The following GPR176 variants were observed in gnomAD, a reference collection of about 807,000 sequenced individuals.
GPR176 encodes G protein-coupled receptor 176, also known as G-protein coupled receptor 176.
Under a neutral mutation model 35.4 loss-of-function variants are expected in GPR176, and 26 were observed. The observed-to-expected ratio is 0.74, with a 90% CI of 0.54 to 1.02. The LOEUF is 1.02. Among genes scored for constraint, GPR176 ranks in the 50% least tolerant of loss-of-function variants. The probability of loss-of-function intolerance (pLI) is 0.00; values close to 1 mark genes in which losing one functional copy is unlikely to be tolerated. For synonymous variants in GPR176, 278 were observed against 271.3 expected, an observed-to-expected ratio of 1.02 and a Z score of -0.24; for missense variants, 597 against 665.3, an observed-to-expected ratio of 0.90 and a Z score of 1.13.
At chr15:39,847,279 T>C (rs2030497928) in intron 1 of GPR176, among the ~76,000 whole-genome samples, 1 of 152,148 alleles carries the variant, frequency 6.6e-6, no homozygotes, top group Non-Finnish European at 1.5e-5. Context: ...AACATATCAA[T>C]AATCACATTA....
chr15:39,895,184 C>T (rs1387718090), intron 1 of GPR176, among the ~76,000 whole-genome samples: 1 of 151,064 alleles, frequency 6.6e-6, no homozygotes, highest in African/African-American at 2.4e-5. Context: ...AGTCCAGCTT[C>T]GGCTCAGCAT....
At chr15:39,897,271 G>A (rs2033141134) in intron 1 of GPR176, among the ~76,000 whole-genome samples, 1 of 152,182 alleles carries the variant, frequency 6.6e-6, no homozygotes, top group African/African-American at 2.4e-5. Flanking sequence ...AAAAGTGACA[G>A]GAATCTAGGA....
rs1898776444 is a variant in GPR176, at chr15:39,800,362, A to G, written c.*770T>C. The G allele has an allele frequency of 6.6e-6, 1 of 152,214 alleles. No homozygotes were observed. Among genetic ancestry groups the G allele is most frequent in the African/African-American group, 2.4e-5 (1 of 41,446 alleles). The allele number at this position is 152,214 out of a possible 1,614,324, so 9.4% of individuals were successfully genotyped here. ...TGTTGAGAAAACACAATTTAAGGTG[A>G]AAGACAGAGCGAAGACTTTTCAGTG... is the stretch of plus-strand genomic sequence containing the variant. On this transcript the variant is annotated 3_prime_UTR_variant, in exon 3 of 3. Coordinates refer to ENST00000561100, the MANE Select transcript of GPR176 (RefSeq NM_007223.3).
chr15:39,807,205 T>G lies in GPR176; in HGVS notation c.226A>C (p.Thr76Pro), dbSNP rs752864876. The G allele has an allele frequency of 6.2e-7, 1 of 1,613,116 alleles. No individual in the cohort carries two copies. Among genetic ancestry groups the G allele is most frequent in the Non-Finnish European group, 8.5e-7 (1 of 1,179,546 alleles). The stretch of plus-strand genomic sequence containing the variant: ...GCCAGGTTTTTAATGAACCTGTTGG[T>G]GACAGATTTGAACACGGTTGTGCGG... ...TCRTTVFKSV[T>P]NRFIKNLACS... Residue 76 changes from threonine (T) to proline (P), a missense_variant, in exon 2 of 3, where the codon ACC becomes CCC. Physicochemically the swap from Thr to Pro is conservative, Grantham distance 38 (BLOSUM62 -1). Around this residue, in one of 3 missense-constraint regions of GPR176, gnomAD observed 126 missense variants for 112.4 expected, o/e 1.12. Coordinates refer to ENST00000561100, the MANE Select transcript of GPR176 (RefSeq NM_007223.3).
chr15:39,801,420 G>C lies in GPR176; in HGVS notation c.1260C>G (p.Pro420=). ...LEGEQGPQFA[P]SAPPLSTVDS... is the part of the protein sequence containing the mutation. ...CCACTGTGCTCAGGGGTGGGGCAGAGGGCGCAAACTGTGGCCCCTGCTCTC... is the reference window on the plus strand; with the variant it reads ...CCACTGTGCTCAGGGGTGGGGCAGACGGCGCAAACTGTGGCCCCTGCTCTC... The change falls in exon 3 of 3, where the codon CCC becomes CCG. Residue 420 remains proline (P), a synonymous_variant. Coordinates refer to ENST00000561100, the MANE Select transcript of GPR176 (RefSeq NM_007223.3). 2 of 1,614,212 alleles carry C rather than the reference G, an allele frequency of 1.2e-6. No individual in the cohort carries two copies. Among genetic ancestry groups the C allele is most frequent in the South Asian group, 2.2e-5 (2 of 91,084 alleles).
intron 1 of GPR176, among the ~76,000 whole-genome samples, chr15:39,901,559 A>G (rs147817616): frequency 6.6e-6 from 1 of 152,230 alleles, no homozygotes; most frequent in Non-Finnish European, 1.5e-5. Context: ...GGGCAATGCT[A>G]TTACTCCCCT....
intron 1 of GPR176, among the ~76,000 whole-genome samples, chr15:39,891,392 T>A (rs1029664528): frequency 3.9e-5 from 6 of 152,200 alleles, no homozygotes; most frequent in African/African-American, 1.4e-4. Flanking sequence ...GAGTTCTTGC[T>A]GTGTCGCCCA....
At chr15:39,827,972 C>G (rs1164965678) in intron 1 of GPR176, among the ~76,000 whole-genome samples, 1 of 152,168 alleles carries the variant, frequency 6.6e-6, no homozygotes, top group Non-Finnish European at 1.5e-5. Context: ...TGGAAGGCTA[C>G]ATCCTAGGCT....
intron 1 of GPR176, chr15:39,814,984 GA>G (rs1899801804): frequency 1.3e-5 from 2 of 152,220 alleles, no homozygotes; most frequent in Admixed American, 6.5e-5. Flanking sequence ...CTATGTGCAA[GA>G]GGCATTGTGA....
intron 1 of GPR176, among the ~76,000 whole-genome samples, chr15:39,809,558 C>G (rs1404566447): frequency 1.3e-5 from 2 of 152,192 alleles, no homozygotes; most frequent in African/African-American, 4.8e-5. Context: ...CCTCTATATA[C>G]TTTTTATTTT....
intron 1 of GPR176, among the ~76,000 whole-genome samples, chr15:39,907,017 G>A (rs1409350896): frequency 6.6e-6 from 1 of 152,158 alleles, no homozygotes; most frequent in Admixed American, 6.6e-5. Flanking sequence ...CTGCTACAGA[G>A]GAAATAAACA....
intron 1 of GPR176, among the ~76,000 whole-genome samples, chr15:39,820,370 T>G (rs139793168): frequency 6.6e-6 from 1 of 152,194 alleles, no homozygotes; most frequent in Non-Finnish European, 1.5e-5. Flanking sequence ...GGATGAGTTA[T>G]AGCTCACAGG....
chr15:39,878,661 T>C (rs2140846577), intron 1 of GPR176, among the ~76,000 whole-genome samples: 1 of 152,356 alleles, frequency 6.6e-6, no homozygotes, highest in Admixed American at 6.5e-5. Context: ...TGCTGGATCA[T>C]ATGGTAGTTC....
chr15:39,802,237 T>TA lies in GPR176; in HGVS notation c.442dup (p.Tyr148LeufsTer9). 3 of 1,609,684 alleles carry TA rather than the reference T, an allele frequency of 1.9e-6. No individual in the cohort carries two copies. The highest frequency in any genetic ancestry group is 2.5e-6 in the Non-Finnish European group (3 of 1,177,196). ...ATCAGATATTTTCCTCTCCAGTGGA[T>TA]AGAGGACTGAGTAGTACCTGCAAGA... is the stretch of plus-strand genomic sequence containing the variant. On this transcript the variant is annotated frameshift_variant, in exon 3 of 3. Transcript: ENST00000561100. LOFTEE classifies it high-confidence loss of function.
rs137910676 is a variant in GPR176, at chr15:39,917,525, G to A, written c.172+2330C>T. The stretch of plus-strand genomic sequence containing the variant: ...TAATTTTTGTATTTTTAGTACAGTC[G>A]GGATTTCATCATGTTGGCCAGGCTG... On this transcript the variant is annotated intron_variant, in intron 1 of 2. Transcript: ENST00000561100. Among the ~76,000 whole-genome samples the A allele has an allele frequency of 4.0e-3, 599 of 151,264 alleles. 3 individuals are homozygous for A. Among genetic ancestry groups the A allele is most frequent in the Non-Finnish European group, 3.7e-3 (252 of 67,804 alleles).
chr15:39,820,884 C>T (rs1461292939), intron 1 of GPR176, among the ~76,000 whole-genome samples: 1 of 152,188 alleles, frequency 6.6e-6, no homozygotes, highest in East Asian at 1.9e-4. Flanking sequence ...TTTCTCTCCC[C>T]ATGCTAAGCG....
At chr15:39,812,940 G>T (rs2140796135) in intron 1 of GPR176, among the ~76,000 whole-genome samples, 1 of 151,798 alleles carries the variant, frequency 6.6e-6, no homozygotes, top group African/African-American at 2.4e-5. Flanking sequence ...TCACTATGTT[G>T]CCCAGGCTTG....
chr15:39,835,196 T>C (rs1901320140), intron 1 of GPR176, among the ~76,000 whole-genome samples: 1 of 151,940 alleles, frequency 6.6e-6, no homozygotes, highest in African/African-American at 2.4e-5. Flanking sequence ...TTTTGTATTT[T>C]TTTAGTAGAG....
chr15:39,840,321 T>C (rs1208798139), intron 1 of GPR176, among the ~76,000 whole-genome samples: 3 of 152,224 alleles, frequency 2.0e-5, no homozygotes, highest in African/African-American at 2.4e-5. Flanking sequence ...GATGAGTTCA[T>C]GTCCTTTGTA....
Sources: allele counts gnomAD v4.1 joint callset (sites outside exome capture counted in the v4.1 genomes callset), GRCh38; gene constraint gnomAD v4.1.1; regional missense constraint gnomAD v4.1.1; transcripts MANE v1.5; gene names NCBI Gene and HGNC (gene_info 2026-07-23, HGNC 2026-07-21).